The following ADGRL2 variants were observed in gnomAD, a reference collection of about 807,000 sequenced individuals.
ADGRL2 encodes the protein adhesion G protein-coupled receptor L2.
Under a neutral mutation model 157.4 loss-of-function variants are expected in ADGRL2, and 44 were observed. The observed-to-expected ratio is 0.28, with a 90% CI of 0.22 to 0.36. The LOEUF is 0.36. ADGRL2 is among the 10% of genes least tolerant of loss of function. The pLI is 1.00. For synonymous variants in ADGRL2, 585 were observed against 624.7 expected, an observed-to-expected ratio of 0.94 and a Z score of 0.95; for missense variants, 1,510 against 1,768.9, an observed-to-expected ratio of 0.85 and a Z score of 2.63.
chr1:81,842,022 G>C (rs993901954), intron 2 of ADGRL2, among the ~76,000 whole-genome samples: 7 of 152,092 alleles, frequency 4.6e-5, no homozygotes, highest in African/African-American at 1.7e-4. Context: ...GATCTGCGGT[G>C]GGGCCCAAGC....
intron 2 of ADGRL2, among the ~76,000 whole-genome samples, chr1:81,507,179 G>A (rs1204760460): frequency 1.3e-5 from 2 of 152,070 alleles, no homozygotes; most frequent in East Asian, 1.9e-4. Flanking sequence ...TGAGGAACAG[G>A]TGAGATATGC....
intron 23 of ADGRL2, 34 bp from the exon 24 acceptor site, chr1:81,990,357 G>T: frequency 1.3e-6 from 2 of 1,593,734 alleles, no homozygotes; most frequent in South Asian, 2.3e-5. Flanking sequence ...AAGGAACAGA[G>T]ACAGTAATGA....
intron 3 of ADGRL2, among the ~76,000 whole-genome samples, chr1:81,692,205 G>A (rs1438008497): frequency 6.6e-6 from 1 of 151,848 alleles, no homozygotes; most frequent in African/African-American, 2.4e-5. Flanking sequence ...TCAGGGGTTC[G>A]AGACCAGCCT....
intron 2 of ADGRL2, among the ~76,000 whole-genome samples, chr1:81,460,661 A>G (rs193227105): frequency 2.0e-5 from 3 of 152,254 alleles, no homozygotes; most frequent in Admixed American, 1.3e-4. Context: ...CATTGACTGG[A>G]TGTGCTCCTT....
chr1:81,722,854 T>A (rs868675218), intron 1 of ADGRL2: 27 of 707,214 alleles, frequency 3.8e-5, no homozygotes, highest in Middle Eastern at 4.1e-4. Context: ...GGGAAATGCC[T>A]GGTAATTTTC....
chr1:81,624,232 C>T (rs1023945305), intron 3 of ADGRL2, among the ~76,000 whole-genome samples: 4 of 152,098 alleles, frequency 2.6e-5, no homozygotes, highest in Non-Finnish European at 2.9e-5. Context: ...ATTATGGAAG[C>T]GCTATGAAAC....
At chr1:81,502,764 C>T (rs2078881760) in intron 2 of ADGRL2, 2 of 1,613,290 alleles carry the variant, frequency 1.2e-6, no homozygotes, top group Admixed American at 3.3e-5. Flanking sequence ...GCAGGGAGAG[C>T]CGGCGGCCCA....
In ADGRL2 at chr1:81,993,119, T is replaced by G. The variant is rs1187705635; in HGVS notation, c.*1974T>G. On this transcript the variant is annotated 3_prime_UTR_variant, in exon 24 of 24. Coordinates refer to ENST00000686636, the MANE Select transcript of ADGRL2 (RefSeq NM_001366006.2). ...TTTTTTTTTTTTTTTTTTTTTTTTTTGGGACAGAGTGTCCCTCTGTCACCC... is the reference window on the plus strand; with the variant it reads ...TTTTTTTTTTTTTTTTTTTTTTTTTGGGGACAGAGTGTCCCTCTGTCACCC... Among the ~76,000 whole-genome samples the G allele has an allele frequency of 3.8e-4, 38 of 99,480 alleles. 1 individual carries two copies. Among genetic ancestry groups the G allele is most frequent in the African/African-American group, 1.3e-3 (33 of 25,606 alleles). 65.3% of individuals were successfully genotyped at this position (99,480 alleles called of 152,430 possible).
At chr1:81,721,858 GA>G (rs34940033) in intron 1 of ADGRL2, 1,070 of 724,056 alleles carry the variant, frequency 1.5e-3, no homozygotes, top group Admixed American at 2.3e-3. Context: ...ATACCAAGGG[GA>G]AAAAAAAAAC....
In ADGRL2 at chr1:81,943,527, G is replaced by A; in HGVS notation, c.968G>A (p.Gly323Glu). The A allele has an allele frequency of 6.2e-7, 1 of 1,613,774 alleles. No homozygotes were observed. Among genetic ancestry groups the A allele is most frequent in the Non-Finnish European group, 8.5e-7 (1 of 1,179,760 alleles). The change falls in exon 6 of 24, where the codon GGA becomes GAA. Residue 323 changes from glycine (G) to glutamate (E), a missense_variant. By Grantham distance (98) the Gly-to-Glu change is moderately conservative. Coordinates refer to ENST00000686636, the MANE Select transcript of ADGRL2 (RefSeq NM_001366006.2). This position sits in a 1 kb window ranked among gnomAD's most constrained non-coding sequence, Gnocchi z 5.6. ...RAASNAFMIC[G>E]VLYVVRSVYQ... ...GCATCAAATGCTTTTATGATATGCG[G>A]AGTCCTCTATGTGGTTAGGTCAGTT...
chr1:81,731,569 C>T (rs1192427256), intron 1 of ADGRL2, among the ~76,000 whole-genome samples: 2 of 151,946 alleles, frequency 1.3e-5, no homozygotes, highest in Non-Finnish European at 2.9e-5. Context: ...TTATGCTTTG[C>T]AAATTTTCTT....
intron 6 of ADGRL2, among the ~76,000 whole-genome samples, chr1:81,946,825 A>G (rs925426390): frequency 3.3e-5 from 5 of 152,184 alleles, no homozygotes; most frequent in Admixed American, 1.3e-4. Context: ...TTACCAAGCT[A>G]CAGAAACTCT....
chr1:81,417,130 G>C (rs577826367), intron 1 of ADGRL2, among the ~76,000 whole-genome samples: 1 of 151,840 alleles, frequency 6.6e-6, no homozygotes, highest in Non-Finnish European at 1.5e-5. Context: ...AAATTTTCCC[G>C]AATTACATTT....
At chr1:81,667,962 T>C (rs2082786404) in intron 3 of ADGRL2, among the ~76,000 whole-genome samples, 1 of 152,196 alleles carries the variant, frequency 6.6e-6, no homozygotes, top group Non-Finnish European at 1.5e-5. Flanking sequence ...CAGTGAATCA[T>C]TATTGAAAAG....
At chr1:81,926,381 A>C (rs1282832495) in intron 3 of ADGRL2, among the ~76,000 whole-genome samples, 1 of 151,978 alleles carries the variant, frequency 6.6e-6, no homozygotes, top group East Asian at 1.9e-4. Flanking sequence ...AAGGAAAAAC[A>C]TCACAGATTG....
At chr1:81,704,476 G>T (rs1053908945) in intron 1 of ADGRL2, among the ~76,000 whole-genome samples, 7 of 152,098 alleles carry the variant, frequency 4.6e-5, no homozygotes, top group Non-Finnish European at 7.4e-5. Flanking sequence ...TAGTGGTAGT[G>T]GTATGTGGAT....
intron 19 of ADGRL2, among the ~76,000 whole-genome samples, chr1:81,984,094 C>T (rs1416414967): frequency 6.6e-6 from 1 of 151,852 alleles, no homozygotes; most frequent in Non-Finnish European, 1.5e-5. Context: ...AGAGGTTACC[C>T]GCAGAACTAT....
Position 81,330,168 on chromosome 1 carries a change from A to G in ADGRL2, c.-302+23659A>G, listed in dbSNP as rs575298212. The stretch of plus-strand genomic sequence containing the variant: ...ATGAGTTTTCCTCACCATGGTTAGC[A>G]TCTCATCATCATGATGAGGATGACC... On this transcript the variant is annotated intron_variant, in intron 1 of 24. Coordinates refer to the ADGRL2 transcript ENST00000370721. Among the ~76,000 whole-genome samples, 4 of 152,290 alleles carry G rather than the reference A, an allele frequency of 2.6e-5. No individual in the cohort carries two copies. In the South Asian group the frequency reaches 8.3e-4, roughly 32 times the overall value.
At chr1:81,894,091 A>T (rs114756655) in intron 2 of ADGRL2, among the ~76,000 whole-genome samples, 3 of 152,166 alleles carry the variant, frequency 2.0e-5, no homozygotes, top group African/African-American at 7.2e-5. Context: ...AAGAGCTTTT[A>T]CAACTGGATG....
Sources: allele counts gnomAD v4.1 joint callset (sites outside exome capture counted in the v4.1 genomes callset), GRCh38; gene constraint gnomAD v4.1.1; non-coding constraint Gnocchi (gnomAD v3.1); transcripts MANE v1.5; gene names NCBI Gene and HGNC (gene_info 2026-07-23, HGNC 2026-07-21).